WWC1: variants seen among roughly 807,000 people sequenced by gnomAD.
The protein encoded by WWC1 is WW and C2 domain containing 1, also known as protein KIBRA.
A neutral mutation model predicts 138.4 loss-of-function variants in WWC1; 55 were observed. The observed-to-expected ratio is 0.40, with a 90% CI of 0.32 to 0.50. WWC1 has a LOEUF of 0.50. WWC1 is among the 20% of genes least tolerant of loss of function. The pLI, the probability that WWC1 is intolerant of heterozygous loss-of-function variation, is 0.72. For missense variants in WWC1, 1,226 were observed against 1,420.4 expected, an observed-to-expected ratio of 0.86 and a Z score of 2.20; for synonymous variants, 524 against 564.9, an observed-to-expected ratio of 0.93 and a Z score of 1.03.
Position 168,431,287 on chromosome 5 carries a change from G to T in WWC1, c.2123G>T (p.Ser708Ile). 1 of 1,613,968 alleles carries T rather than the reference G, an allele frequency of 6.2e-7. No homozygotes were observed. The highest frequency in any genetic ancestry group is 8.5e-7 in the Non-Finnish European group (1 of 1,179,948). Residue 708 changes from serine (S) to isoleucine (I), a missense_variant, in exon 15 of 23, where the codon AGC becomes ATC. Ser to Ile is a moderately radical substitution (Grantham distance 142). Coordinates refer to ENST00000265293, the MANE Select transcript of WWC1 (RefSeq NM_015238.3). ...IRVAVLPCSE[S>I]TTCLFRTRPL... ...GTGGCTGTCCTTCCTTGCTCTGAAAGCACAACCTGCCTGTTCCGGACCCGG... is the reference window on the plus strand; with the variant it reads ...GTGGCTGTCCTTCCTTGCTCTGAAATCACAACCTGCCTGTTCCGGACCCGG...
At chr5:168,317,268 C>T (rs950681209) in intron 1 of WWC1, among the ~76,000 whole-genome samples, 3 of 152,224 alleles carry the variant, frequency 2.0e-5, no homozygotes, top group Non-Finnish European at 4.4e-5. Flanking sequence ...TGACATCACT[C>T]ACCCTCCTTG....
chr5:168,384,713 CTTTTTTTTTTTTTT>C lies in WWC1; in HGVS notation c.230-489_230-476del, dbSNP rs762052940. Among the ~76,000 whole-genome samples the C allele has an allele frequency of 7.0e-5, 7 of 99,638 alleles. No homozygotes were observed. The East Asian group carries it at 1.4e-3, about 21-fold the overall frequency. 65.4% of individuals were successfully genotyped at this position (99,638 alleles called of 152,430 possible). On this transcript the variant is annotated intron_variant, in intron 2 of 22. Transcript: ENST00000265293. The stretch of plus-strand genomic sequence containing the variant: ...GTTTGGAAATTGATCCTGGTTTATT[CTTTTTTTTTTTTTT>C]TTTTTTTTCAGACAGAGTCTCATTA...
chr5:168,425,513 G>A (rs184364863), intron 11 of WWC1, among the ~76,000 whole-genome samples: 2 of 132,966 alleles, frequency 1.5e-5, no homozygotes, highest in Non-Finnish European at 3.1e-5. Context: ...TTTTTTTTGA[G>A]ATGGAGTCTC....
chr5:168,386,094 G>A (rs1163496490), intron 3 of WWC1, among the ~76,000 whole-genome samples: 14 of 151,932 alleles, frequency 9.2e-5, no homozygotes, highest in South Asian at 6.2e-4. Flanking sequence ...GCTTTGTCAC[G>A]CATCCATTTG....
intron 19 of WWC1, among the ~76,000 whole-genome samples, chr5:168,456,791 C>CA (rs150611010): frequency 0.1 from 15,470 of 150,258 alleles, 1,339 homozygotes; most frequent in African/African-American, 0.23. Flanking sequence ...AAAATCCCAC[C>CA]AAAAAAAATT....
intron 21 of WWC1, 31 bp from the exon 22 acceptor site, chr5:168,467,809 A>C: frequency 6.2e-7 from 1 of 1,613,834 alleles, no homozygotes; most frequent in African/African-American, 1.3e-5. Flanking sequence ...GGCCCCCTCC[A>C]CTGACTCAGG....
intron 5 of WWC1, among the ~76,000 whole-genome samples, chr5:168,401,091 G>T (rs1016197065): frequency 6.0e-5 from 9 of 151,180 alleles, no homozygotes; most frequent in African/African-American, 1.9e-4. Flanking sequence ...ACCCTGTCTC[G>T]AAAAAAAGGA....
intron 21 of WWC1, among the ~76,000 whole-genome samples, chr5:168,465,610 A>AGTG (rs1554118734): frequency 8.9e-6 from 1 of 112,018 alleles, no homozygotes; most frequent in Non-Finnish European, 1.6e-5. Context: ...CCCGGGCTGG[A>AGTG]GTGTGGTGGC....
At chr5:168,316,281 A>C (rs1771587383) in intron 1 of WWC1, among the ~76,000 whole-genome samples, 1 of 152,202 alleles carries the variant, frequency 6.6e-6, no homozygotes, top group South Asian at 2.1e-4. Context: ...CAGTGAAGGG[A>C]GAGCAGGTGC....
At chr5:168,429,252 C>A (rs957607771) in intron 13 of WWC1, among the ~76,000 whole-genome samples, 1 of 136,808 alleles carries the variant, frequency 7.3e-6, no homozygotes, top group Admixed American at 7.4e-5. Flanking sequence ...ATGATATGAT[C>A]TCAATTTTTT....
In WWC1 at chr5:168,455,399, C is replaced by T; in HGVS notation, c.2702C>T (p.Thr901Ile). The T allele has an allele frequency of 1.9e-6, 3 of 1,608,192 alleles. No individual in the cohort carries two copies. Among genetic ancestry groups the T allele is most frequent in the South Asian group, 1.1e-5 (1 of 89,832 alleles). The change falls in exon 19 of 23, where the codon ACA becomes ATA. Residue 901 changes from threonine (T) to isoleucine (I), a missense_variant. This residue lies in a region of WWC1 where 1,016 missense variants were observed against 1,153.9 expected (regional missense o/e 0.88). Transcript: ENST00000265293. ...TNTETPAPSP[T>I]VVRPKDRRVG... ...ACGGAGACCCCGGCCCCATCCCCCA[C>T]AGTGGTGCGACCTAAGGACCGGAGA...
At chr5:168,381,603 A>C (rs1777635450) in intron 2 of WWC1, among the ~76,000 whole-genome samples, 1 of 152,064 alleles carries the variant, frequency 6.6e-6, no homozygotes, top group African/African-American at 2.4e-5. Context: ...ATTTTTAAAA[A>C]ATTCTCCCGG....
At chr5:168,332,140 T>C (rs1773082560) in intron 1 of WWC1, among the ~76,000 whole-genome samples, 1 of 146,300 alleles carries the variant, frequency 6.8e-6, no homozygotes, top group Admixed American at 6.8e-5. Flanking sequence ...AGTGAGATTC[T>C]GTCTCAAAAA....
intron 8 of WWC1, chr5:168,411,903 G>A: frequency 4.4e-6 from 4 of 900,200 alleles, no homozygotes; most frequent in Non-Finnish European, 5.3e-6. Flanking sequence ...AAGTACGAAA[G>A]GAGTGATTTC....
At chr5:168,352,772 T>C (rs994365990) in intron 1 of WWC1, among the ~76,000 whole-genome samples, 3 of 151,882 alleles carry the variant, frequency 2.0e-5, no homozygotes, top group Non-Finnish European at 2.9e-5. Context: ...TTAGTAGAGA[T>C]GGGGTTTCAC....
chr5:168,301,268 A>G (rs1482606581), intron 1 of WWC1, among the ~76,000 whole-genome samples: 1 of 152,206 alleles, frequency 6.6e-6, no homozygotes, highest in Non-Finnish European at 1.5e-5. Context: ...ACGATTCACG[A>G]TTCCCTGTAG....
intron 11 of WWC1, among the ~76,000 whole-genome samples, 196 bp from the exon 12 acceptor site, chr5:168,427,837 T>C (rs1781625134): frequency 6.6e-6 from 1 of 152,018 alleles, no homozygotes; most frequent in South Asian, 2.1e-4. Context: ...GGCACATGCC[T>C]GTAGTTCCAG....
chr5:168,347,673 A>G (rs989220651), intron 1 of WWC1, among the ~76,000 whole-genome samples: 2 of 152,192 alleles, frequency 1.3e-5, no homozygotes, highest in South Asian at 2.1e-4. Context: ...GAAGGTGAAG[A>G]GCAATCTATG....
chr5:168,329,560 GT>G (rs539963125), intron 1 of WWC1, among the ~76,000 whole-genome samples: 53 of 152,276 alleles, frequency 3.5e-4, no homozygotes, highest in African/African-American at 1.2e-3. Context: ...TTAATCTGCT[GT>G]TTTAGGCGTT....
Sources: allele counts gnomAD v4.1 joint callset (sites outside exome capture counted in the v4.1 genomes callset), GRCh38; gene constraint gnomAD v4.1.1; regional missense constraint gnomAD v4.1.1; transcripts MANE v1.5; gene names NCBI Gene and HGNC (gene_info 2026-07-23, HGNC 2026-07-21).